Variants in RBM6 observed in about 807,000 individuals in gnomAD.
RBM6 encodes RNA-binding protein 6.
Under a neutral mutation model 140.4 loss-of-function variants are expected in RBM6, and 23 were observed. The ratio of observed to expected loss-of-function variants is 0.16; its 90% CI spans 0.12 to 0.23. RBM6 has a LOEUF of 0.23. RBM6 is among the 10% of genes least tolerant of loss of function. The pLI is 1.00. For synonymous variants in RBM6, 439 were observed against 475.6 expected, an observed-to-expected ratio of 0.92 and a Z score of 1.00; for missense variants, 1,139 against 1,386.7, an observed-to-expected ratio of 0.82 and a Z score of 2.84.
chr3:50,027,841 G>A (rs35375092), intron 6 of RBM6, among the ~76,000 whole-genome samples: 32,029 of 151,972 alleles, frequency 0.21, 3,652 homozygotes, highest in Middle Eastern at 0.27. Context: ...AGTTCTCTTC[G>A]ATATATACCA....
intron 5 of RBM6, among the ~76,000 whole-genome samples, chr3:49,979,059 G>A (rs1290186500): frequency 6.6e-6 from 1 of 152,156 alleles, no homozygotes; most frequent in African/African-American, 2.4e-5. Flanking sequence ...AATATGCTGA[G>A]TGAAAGAAAC....
intron 6 of RBM6, among the ~76,000 whole-genome samples, chr3:50,018,519 C>T (rs2087292775): frequency 1.4e-5 from 2 of 147,444 alleles, no homozygotes; most frequent in Non-Finnish European, 3.0e-5. Context: ...TACGGACATA[C>T]GTTTTCAACT....
At chr3:49,943,731 G>A (rs1168255891) in intron 1 of RBM6, among the ~76,000 whole-genome samples, 1 of 152,118 alleles carries the variant, frequency 6.6e-6, no homozygotes, top group Non-Finnish European at 1.5e-5. Flanking sequence ...TGGTATTACA[G>A]GCATGAGCCA....
intron 5 of RBM6, among the ~76,000 whole-genome samples, chr3:49,983,186 A>G (rs1277112848): frequency 6.6e-6 from 1 of 152,232 alleles, no homozygotes; most frequent in South Asian, 2.1e-4. Flanking sequence ...ATGTCCTTTC[A>G]TTATTCACAA....
intron 6 of RBM6, among the ~76,000 whole-genome samples, chr3:50,039,080 T>C (rs955893464): frequency 7.5e-6 from 1 of 133,766 alleles, no homozygotes; most frequent in African/African-American, 2.8e-5. Context: ...TGCTATGTGA[T>C]TGGAATCAAC....
chr3:49,983,165 G>A (rs1181698505), intron 5 of RBM6, among the ~76,000 whole-genome samples: 1 of 152,178 alleles, frequency 6.6e-6, no homozygotes, highest in Non-Finnish European at 1.5e-5. Context: ...TTTCTTAAGG[G>A]TAACAGGCTC....
At chr3:49,996,107 G>A (rs746031351) in intron 5 of RBM6, among the ~76,000 whole-genome samples, 2 of 152,094 alleles carry the variant, frequency 1.3e-5, no homozygotes, top group Non-Finnish European at 2.9e-5. Flanking sequence ...CTCGCCTGTG[G>A]CTTCAGTTTG....
chr3:50,008,944 T>C (rs1344117388), intron 6 of RBM6, among the ~76,000 whole-genome samples: 1 of 152,174 alleles, frequency 6.6e-6, no homozygotes, highest in African/African-American at 2.4e-5. Context: ...GGTTAGAGTA[T>C]GTAGTATATG....
intron 15 of RBM6, among the ~76,000 whole-genome samples, chr3:50,064,165 T>C (rs898402828): frequency 6.6e-6 from 1 of 152,034 alleles, no homozygotes; most frequent in Non-Finnish European, 1.5e-5. Context: ...ACTCCTGACC[T>C]TGTGATCCGC....
Position 49,964,459 on chromosome 3 carries a change from T to C in RBM6, c.44+1774T>C, listed in dbSNP as rs149663183. On this transcript the variant is annotated intron_variant, in intron 2 of 20. Coordinates refer to ENST00000266022, the MANE Select transcript of RBM6 (RefSeq NM_005777.3). ...AGGATTAGATCAGTGGTCAGCAAAC[T>C]ACAGCTGATAGCCTGTTTTTGTAAA... 1.2e-4 allele frequency among the ~76,000 whole-genome samples: 18 copies of C among 152,362 alleles called. No homozygotes were observed. The East Asian group carries it at 2.3e-3, about 20-fold the overall frequency.
intron 7 of RBM6, among the ~76,000 whole-genome samples, chr3:50,048,839 G>A (rs1192684772): frequency 6.6e-6 from 1 of 152,012 alleles, no homozygotes. Context: ...ATCTCATTCT[G>A]TTGCCCAGGC....
chr3:49,942,118 A>G (rs2083310716), intron 1 of RBM6, among the ~76,000 whole-genome samples: 1 of 151,194 alleles, frequency 6.6e-6, no homozygotes, highest in Non-Finnish European at 1.5e-5. Context: ...AAAATCAATT[A>G]AATAAATTGT....
chr3:49,963,318 C>T (rs1052143902), intron 2 of RBM6, among the ~76,000 whole-genome samples: 1 of 151,864 alleles, frequency 6.6e-6, no homozygotes, highest in Non-Finnish European at 1.5e-5. Context: ...ACTGCAACAT[C>T]CGCCTCCCGT....
rs1316370144 is a variant in RBM6 at position 49,984,606 on chromosome 3, ACATCACATCGCATCG to A, written c.1483+9219_1483+9233del. ...ACGTGACATCACATCACATCACATCACATCACATCGCATCGCATCGCATCGCATCGCATCGCATCG... is the reference window on the plus strand; with the variant it reads ...ACGTGACATCACATCACATCACATCACATCGCATCGCATCGCATCGCATCG... On this transcript the variant is annotated intron_variant, in intron 5 of 20. Coordinates refer to ENST00000266022, the MANE Select transcript of RBM6 (RefSeq NM_005777.3). Among the ~76,000 whole-genome samples, 236 of 99,188 alleles carry A rather than the reference ACATCACATCGCATCG, an allele frequency of 2.4e-3. 1 individual carries two copies. The highest frequency in any genetic ancestry group is 5.3e-3 in the Admixed American group (57 of 10,750). The allele number at this position is 99,188 out of a possible 152,430, so 65.1% of individuals were successfully genotyped here. A position where few individuals can be genotyped will look rare whatever the true frequency, so the allele number is the denominator to read the frequency against.
chr3:50,062,512 A>C (rs2089979775), intron 15 of RBM6, among the ~76,000 whole-genome samples: 1 of 152,066 alleles, frequency 6.6e-6, no homozygotes, highest in Non-Finnish European at 1.5e-5. Context: ...CAAAAAAAAA[A>C]AAAAAACCTC....
intron 6 of RBM6, among the ~76,000 whole-genome samples, chr3:50,040,924 C>T (rs2088883166): frequency 1.3e-5 from 2 of 152,114 alleles, no homozygotes; most frequent in South Asian, 2.1e-4. Context: ...GGGTTACAGG[C>T]GTGAGCCACT....
At chr3:49,959,136 G>A (rs965989666) in intron 1 of RBM6, among the ~76,000 whole-genome samples, 24 of 150,570 alleles carry the variant, frequency 1.6e-4, no homozygotes, top group Non-Finnish European at 3.4e-4. Context: ...CTGTATAGTG[G>A]TAATGAGCCT....
intron 1 of RBM6, among the ~76,000 whole-genome samples, chr3:49,948,510 C>T (rs551519358): frequency 2.4e-4 from 37 of 151,980 alleles, no homozygotes; most frequent in African/African-American, 8.4e-4. Context: ...GTCAAGAGAT[C>T]GAGACCATCC....
At chr3:50,023,390 C>T (rs1291369394) in intron 6 of RBM6, among the ~76,000 whole-genome samples, 4 of 152,116 alleles carry the variant, frequency 2.6e-5, no homozygotes, top group Non-Finnish European at 5.9e-5. Context: ...ACTGCAACCT[C>T]CGCCTCCTGG....
Sources: allele counts gnomAD v4.1 joint callset (sites outside exome capture counted in the v4.1 genomes callset), GRCh38; gene constraint gnomAD v4.1.1; transcripts MANE v1.5; gene names NCBI Gene and HGNC (gene_info 2026-07-23, HGNC 2026-07-21).